The following TELO2 variants were observed in gnomAD, a reference collection of about 807,000 sequenced individuals.
The protein encoded by TELO2 is telomere length regulation protein TEL2 homolog.
In TELO2, 71 loss-of-function variants were observed where a neutral mutation model predicts 91.0. That is an observed-to-expected ratio of 0.78 (90% CI 0.64 to 0.95). TELO2 has a LOEUF of 0.95. TELO2 is among the 40% of genes least tolerant of loss of function. TELO2 has a pLI of 0.00. For missense variants in TELO2, 1,183 were observed against 1,141.3 expected, an observed-to-expected ratio of 1.04 and a Z score of -0.53; for synonymous variants, 584 against 518.9, an observed-to-expected ratio of 1.13 and a Z score of -1.71.
In TELO2 at chr16:1,494,466, T is replaced by C. The variant is rs1223013174; in HGVS notation, c.185T>C (p.Val62Ala). ...EEFASAHFSP[V>A]LRCLASRLSP... is the part of the protein sequence containing the mutation. ...TTTGCCTCGGCCCACTTCTCGCCTG[T>C]CCTCAGATGTCTTGCCAGCAGGCTG... Residue 62 changes from valine to alanine, a missense_variant, in exon 2 of 21, where the codon GTC (valine) becomes GCC (alanine). Transcript: ENST00000262319. The surrounding 1 kb of genome is among the most constrained non-coding windows in gnomAD (Gnocchi z 5.6). The C allele has an allele frequency of 6.2e-7, 1 of 1,613,330 alleles. No homozygotes were observed. The highest frequency in any genetic ancestry group is 2.2e-5 in the East Asian group (1 of 44,872).
rs1461382691 is a variant in TELO2, at chr16:1,505,375, G to A, written c.1843-35G>A. On this transcript the variant is annotated intron_variant, in intron 15 of 20. Coordinates refer to ENST00000262319, the MANE Select transcript of TELO2 (RefSeq NM_016111.4). The surrounding 1 kb of genome is among the most constrained non-coding windows in gnomAD (Gnocchi z 4.3). ...CTCTTGGGAAATGTTCTTCCCTGGA[G>A]CAGTGGCGACGGCCCTGGGCCTGTC... The A allele has an allele frequency of 1.3e-6, 2 of 1,588,464 alleles. No homozygotes were observed. The highest frequency in any genetic ancestry group is 1.7e-6 in the Non-Finnish European group (2 of 1,162,620).
At chr16:1,501,588 C>T in intron 10 of TELO2, 75 bp from the exon 11 acceptor site, 1 of 1,567,752 alleles carries the variant, frequency 6.4e-7, no homozygotes. Context: ...GAAACCCTTT[C>T]TTTCTGTCCT....
chr16:1,505,073 C>T lies in TELO2; in HGVS notation c.1843-337C>T, dbSNP rs572394883. 4.2e-5 allele frequency: 11 copies of T among 261,732 alleles called. No individual in the cohort carries two copies. The highest frequency in any genetic ancestry group is 1.9e-4 in the African/African-American group (9 of 46,154). The allele number at this position is 261,732 out of a possible 1,614,324, so 16.2% of individuals were successfully genotyped here. ...AGGTCCCCCCGCCCGTGGCACGTGCCGCTGCAGCGTTGCTTTTGCTGTGAG... is the reference window on the plus strand; with the variant it reads ...AGGTCCCCCCGCCCGTGGCACGTGCTGCTGCAGCGTTGCTTTTGCTGTGAG... On this transcript the variant is annotated intron_variant, in intron 15 of 20. Transcript: ENST00000262319. The surrounding 1 kb of genome is among the most constrained non-coding windows in gnomAD (Gnocchi z 4.3).
In TELO2 at chr16:1,497,353, C is replaced by T. The variant is rs2141024445; in HGVS notation, c.683-8C>T. The T allele has an allele frequency of 6.5e-7, 1 of 1,537,604 alleles. No individual in the cohort carries two copies. The highest frequency in any genetic ancestry group is 2.5e-5 in the East Asian group (1 of 40,624). On this transcript the variant is annotated splice_polypyrimidine_tract_variant and splice_region_variant and intron_variant, in intron 4 of 20. Transcript: ENST00000262319. The surrounding 1 kb of genome is among the most constrained non-coding windows in gnomAD (Gnocchi z 4.0). The stretch of plus-strand genomic sequence containing the variant: ...CCCCAGGCTCAGGTCCTCCGTCTGT[C>T]CCCTCAGAGGAGATCCTGGGCGTGC...
intron 20 of TELO2, 75 bp downstream of exon 20, chr16:1,507,791 TGA>T (rs558999667): frequency 0.03 from 24,563 of 822,534 alleles, 247 homozygotes; most frequent in African/African-American, 0.11. Context: ...TGTGTGTGTG[TGA>T]GAGATGTGTC....
Position 1,502,663 on chromosome 16 carries a change from A to G in TELO2, c.1672A>G (p.Lys558Glu), listed in dbSNP as rs770037429. ...ATREVSVELA[K>E]VLLHLEEKTC... ...CGTGCAGGTGAGCGTGGAGCTGGCCAAGGTGCTTCTGCATCTGGAGGAGAA... is the reference window on the plus strand; with the variant it reads ...CGTGCAGGTGAGCGTGGAGCTGGCCGAGGTGCTTCTGCATCTGGAGGAGAA... The change falls in exon 14 of 21, where the codon AAG (lysine) becomes GAG (glutamate). Residue 558 changes from lysine to glutamate, a missense_variant. By Grantham distance (56) the Lys-to-Glu change is moderately conservative. Transcript: ENST00000262319. 2 of 1,612,052 alleles carry G rather than the reference A, an allele frequency of 1.2e-6. No homozygotes were observed. Among genetic ancestry groups the G allele is most frequent in the Non-Finnish European group, 1.7e-6 (2 of 1,179,838 alleles).
In TELO2 at chr16:1,494,285, G is replaced by A. The variant is rs2039399955; in HGVS notation, c.4G>A (p.Glu2Lys). MEPAPSEVRLAV... is the reference protein window; with the variant it reads MKPAPSEVRLAV... Reference sequence around the variant, plus strand: ...ACGCCCAGATCTGTCCTGCAGGATGGAGCCAGCACCCTCAGAGGTTCGACT... The same window carrying A: ...ACGCCCAGATCTGTCCTGCAGGATGAAGCCAGCACCCTCAGAGGTTCGACT... The change falls in exon 2 of 21, where the codon GAG (glutamate) becomes AAG (lysine). Residue 2 changes from glutamate to lysine, a missense_variant. Physicochemically the swap from Glu to Lys is moderately conservative, Grantham distance 56. Transcript: ENST00000262319. The surrounding 1 kb of genome is among the most constrained non-coding windows in gnomAD (Gnocchi z 5.6). 8.1e-6 allele frequency: 13 copies of A among 1,611,924 alleles called. No homozygotes were observed. The highest frequency in any genetic ancestry group is 1.1e-5 in the Non-Finnish European group (13 of 1,178,998).
In TELO2 at chr16:1,502,941, A is replaced by C; in HGVS notation, c.1781A>C (p.Tyr594Ser). ...CCCCTGTGTCCTCAGGTGGCCGACT[A>C]TCTGACCTCACAGTTCTATGCCCTC... ...TVTDPAPVAD[Y>S]LTSQFYALNY... Residue 594 changes from tyrosine (Y) to serine (S), a missense_variant, in exon 15 of 21, where the codon TAT becomes TCT. Tyr to Ser is a moderately radical substitution (Grantham distance 144). Coordinates refer to ENST00000262319, the MANE Select transcript of TELO2 (RefSeq NM_016111.4). 6.2e-7 allele frequency: 1 copy of C among 1,611,290 alleles called. No homozygotes were observed. The highest frequency in any genetic ancestry group is 8.5e-7 in the Non-Finnish European group (1 of 1,179,992).
rs201755254 is a variant in TELO2, at chr16:1,502,807, A to C, written c.1770+46A>C. 8.2e-5 allele frequency: 131 copies of C among 1,603,960 alleles called. No homozygotes were observed. The East Asian group carries it at 2.8e-3, about 34-fold the overall frequency. The stretch of plus-strand genomic sequence containing the variant: ...CCCTGGCCAGTGCAGGCACAGCGGG[A>C]AGCACTGGGAGCTGCGGTGCCTGAG... On this transcript the variant is annotated intron_variant, in intron 14 of 20. Transcript: ENST00000262319.
intron 3 of TELO2, among the ~76,000 whole-genome samples, chr16:1,496,728 C>A (rs1049667809): frequency 6.6e-6 from 1 of 152,238 alleles, no homozygotes; most frequent in Admixed American, 6.5e-5. Flanking sequence ...GCTGACCCAA[C>A]TTGGCCGGGC....
At chr16:1,498,366 G>A (rs1052426406) in intron 5 of TELO2, among the ~76,000 whole-genome samples, 1 of 152,128 alleles carries the variant, frequency 6.6e-6, no homozygotes, top group Non-Finnish European at 1.5e-5. Flanking sequence ...TAAGGCATTT[G>A]TATTCTTTTC....
Position 1,497,659 on chromosome 16 carries a change from T to C in TELO2, c.830+151T>C. On this transcript the variant is annotated intron_variant, in intron 5 of 20. Transcript: ENST00000262319. The surrounding 1 kb of genome is among the most constrained non-coding windows in gnomAD (Gnocchi z 4.0). Reference sequence around the variant, plus strand: ...AGGGTGTGGGTGGTGCCCTCTCAGTTCCCGCACGTGCTGATGGTGACCTCT... The same window carrying C: ...AGGGTGTGGGTGGTGCCCTCTCAGTCCCCGCACGTGCTGATGGTGACCTCT... 1 of 1,069,344 alleles carries C rather than the reference T, an allele frequency of 9.4e-7. No homozygotes were observed. The highest frequency in any genetic ancestry group is 1.3e-6 in the Non-Finnish European group (1 of 768,482). 66.2% of individuals were successfully genotyped at this position (1,069,344 alleles called of 1,614,324 possible).
chr16:1,501,513 C>A lies in TELO2; in HGVS notation c.1361+14C>A. 1 of 1,596,418 alleles carries A rather than the reference C, an allele frequency of 6.3e-7. No individual in the cohort carries two copies. Among genetic ancestry groups the A allele is most frequent in the Non-Finnish European group, 8.5e-7 (1 of 1,170,768 alleles). ...CTCGGAGGCGGGGTGAGGGTCTCTG[C>A]CCCCCGGGACCCCACCGCGTGCACA... On this transcript the variant is annotated intron_variant, in intron 10 of 20. Coordinates refer to ENST00000262319, the MANE Select transcript of TELO2 (RefSeq NM_016111.4).
At position 1,507,033 on chromosome 16, in the gene TELO2, C is replaced by T; in HGVS notation, c.2208C>T (p.Cys736=). ...CGCACACCTTAGGGGCCCTGATGTGCCTGGCTGTTAACACCACGGTGAGCC... is the reference window on the plus strand; with the variant it reads ...CGCACACCTTAGGGGCCCTGATGTGTCTGGCTGTTAACACCACGGTGAGCC... ...RLAHTLGALM[C]LAVNTTVAVA... Residue 736 remains cysteine (C), a synonymous_variant, in exon 18 of 21, where the codon TGC becomes TGT. Transcript: ENST00000262319. 3 of 1,610,272 alleles carry T rather than the reference C, an allele frequency of 1.9e-6. No homozygotes were observed. Among genetic ancestry groups the T allele is most frequent in the Non-Finnish European group, 2.5e-6 (3 of 1,178,448 alleles).
At chr16:1,508,107 C>T (rs2039976762) in intron 20 of TELO2, among the ~76,000 whole-genome samples, 2 of 152,066 alleles carry the variant, frequency 1.3e-5, no homozygotes, top group African/African-American at 2.4e-5. Flanking sequence ...CCCTGGGCCC[C>T]TCCGGCCGGT....
Position 1,505,857 on chromosome 16 carries a change from T to C in TELO2, c.2034+256T>C, listed in dbSNP as rs2039874732. On this transcript the variant is annotated intron_variant, in intron 16 of 20. Transcript: ENST00000262319. This position sits in a 1 kb window ranked among gnomAD's most constrained non-coding sequence, Gnocchi z 4.3. The stretch of plus-strand genomic sequence containing the variant: ...GGTGGTGCTCTGTCCTCAGAGCCCA[T>C]CTAGGCCAGGGGTGGTGTTGCTCCA... Among the ~76,000 whole-genome samples the C allele has an allele frequency of 6.6e-6, 1 of 152,146 alleles. No homozygotes were observed. The highest frequency in any genetic ancestry group is 2.4e-5 in the African/African-American group (1 of 41,432).
In TELO2 at chr16:1,502,120, C is replaced by G. The variant is rs763395160; in HGVS notation, c.1546C>G (p.Arg516Gly). ...LKSSKAPAYVRDCVEALTTSE... is the reference protein window; with the variant it reads ...LKSSKAPAYVGDCVEALTTSE... ...GAGCAGCAAGGCTCCTGCCTACGTC[C>G]GGGACTGCGTGGAAGGTGGGCACGG... The change falls in exon 12 of 21, where the codon CGG (arginine) becomes GGG (glycine). Residue 516 changes from arginine to glycine, a missense_variant. Coordinates refer to ENST00000262319, the MANE Select transcript of TELO2 (RefSeq NM_016111.4). The G allele has an allele frequency of 6.2e-7, 1 of 1,612,992 alleles. No individual in the cohort carries two copies. The highest frequency in any genetic ancestry group is 8.5e-7 in the Non-Finnish European group (1 of 1,179,958).
At position 1,509,819 on chromosome 16, in the gene TELO2, T is replaced by G; in HGVS notation, c.2408-11T>G. Reference sequence around the variant, plus strand: ...GCTGCCTCAGCTTTGCTTGTCACTCTCGTCTGGCAGACGTGGCTGAGAAAG... The same window carrying G: ...GCTGCCTCAGCTTTGCTTGTCACTCGCGTCTGGCAGACGTGGCTGAGAAAG... On this transcript the variant is annotated splice_polypyrimidine_tract_variant and intron_variant, in intron 20 of 20. Transcript: ENST00000262319. 1 of 1,607,960 alleles carries G rather than the reference T, an allele frequency of 6.2e-7. No individual in the cohort carries two copies. The highest frequency in any genetic ancestry group is 8.5e-7 in the Non-Finnish European group (1 of 1,178,058).
rs932363632 is a variant in TELO2 at position 1,510,151 on chromosome 16, T to C, written c.*215T>C. The C allele has an allele frequency of 1.3e-5, 7 of 557,602 alleles. No individual in the cohort carries two copies. The highest frequency in any genetic ancestry group is 7.6e-5 in the African/African-American group (4 of 52,632). 34.5% of individuals were successfully genotyped at this position (557,602 alleles called of 1,614,324 possible). On this transcript the variant is annotated 3_prime_UTR_variant, in exon 21 of 21. Transcript: ENST00000262319. Reference sequence around the variant, plus strand: ...GGCCTGGGCACTGCCCGCCGGGACATGGCAGCCTGGACGTGGGGCTGGGGC... The same window carrying C: ...GGCCTGGGCACTGCCCGCCGGGACACGGCAGCCTGGACGTGGGGCTGGGGC...
Sources: gnomAD v4.1 joint callset for allele counts (sites outside exome capture counted in the v4.1 genomes callset) on GRCh38, gnomAD v4.1.1 for gene constraint, Gnocchi (gnomAD v3.1) non-coding constraint, MANE v1.5 for transcripts, NCBI Gene and HGNC (gene_info 2026-07-23, HGNC 2026-07-21) for gene names.